Variants in DPP10 observed in about 807,000 individuals in gnomAD.
DPP10 encodes the protein dipeptidyl peptidase like 10, also known as inactive dipeptidyl peptidase 10.
In DPP10, 33 loss-of-function variants were observed where a neutral mutation model predicts 120.9. The observed-to-expected ratio is 0.27, with a 90% CI of 0.21 to 0.37. The LOEUF is 0.37. DPP10 is among the 10% of genes least tolerant of loss of function. The pLI is 1.00. For missense variants in DPP10, 816 were observed against 942.8 expected (o/e 0.87, Z 1.76); for synonymous variants, 337 against 326.1 (o/e 1.03, Z -0.36).
intron 3 of DPP10, among the ~76,000 whole-genome samples, chr2:115,373,369 A>C (rs2065554461): frequency 6.6e-6 from 1 of 152,182 alleles, no homozygotes; most frequent in Non-Finnish European, 1.5e-5. Context: ...GTCAAAGTTA[A>C]CATTTATCTA....
chr2:115,542,051 G>C (rs1171923675), intron 5 of DPP10, among the ~76,000 whole-genome samples: 1 of 151,850 alleles, frequency 6.6e-6, no homozygotes, highest in Non-Finnish European at 1.5e-5. Context: ...CAATTGACTA[G>C]CATAACATAA....
intron 4 of DPP10, among the ~76,000 whole-genome samples, chr2:115,520,476 C>A (rs1325257994): frequency 6.6e-6 from 1 of 151,260 alleles, no homozygotes; most frequent in Non-Finnish European, 1.5e-5. Flanking sequence ...CCCATCTATA[C>A]TTTCAGAATT....
intron 1 of DPP10, among the ~76,000 whole-genome samples, chr2:114,989,333 A>G (rs1222207741): frequency 1.3e-5 from 2 of 152,186 alleles, no homozygotes; most frequent in African/African-American, 2.4e-5. Context: ...AAAATTTTAT[A>G]CAGAAGATCA....
At chr2:115,378,084 G>A (rs538570050) in intron 3 of DPP10, among the ~76,000 whole-genome samples, 2,375 of 152,182 alleles carry the variant, frequency 0.016, 61 homozygotes, top group African/African-American at 0.054. Context: ...TTCCAATTCT[G>A]TGAAGAAAGT....
At chr2:115,568,859 A>G (rs1232555795) in intron 5 of DPP10, among the ~76,000 whole-genome samples, 1 of 152,222 alleles carries the variant, frequency 6.6e-6, no homozygotes, top group Non-Finnish European at 1.5e-5. Flanking sequence ...TTAACAGAAT[A>G]AATTGGCCAC....
Position 114,709,103 on chromosome 2 carries a change from C to T in DPP10, c.60+266265C>T, listed in dbSNP as rs576856970. On this transcript the variant is annotated intron_variant, in intron 1 of 25. Coordinates refer to ENST00000410059, the MANE Select transcript of DPP10 (RefSeq NM_020868.6). ...TCTACCTCTTATCACAAGAAGCTGG[C>T]CCTTCAAGCCAAGCCAATTCCCAGG... Among the ~76,000 whole-genome samples the T allele has an allele frequency of 7.9e-5, 12 of 152,264 alleles. No individual in the cohort carries two copies. In the South Asian group the frequency reaches 2.1e-3, roughly 26 times the overall value.
intron 1 of DPP10, among the ~76,000 whole-genome samples, chr2:114,586,533 C>T (rs537374894): frequency 3.3e-5 from 5 of 152,286 alleles, no homozygotes; most frequent in East Asian, 1.9e-4. Context: ...ATGTAAAAGG[C>T]TTACAGCAGA....
At chr2:115,173,214 A>G (rs768736880) in intron 1 of DPP10, among the ~76,000 whole-genome samples, 15 of 152,306 alleles carry the variant, frequency 9.8e-5, no homozygotes, top group Middle Eastern at 3.4e-3. Flanking sequence ...AGCGAATCCA[A>G]AAAAACTAAT....
intron 1 of DPP10, among the ~76,000 whole-genome samples, chr2:114,888,997 G>A (rs1003483065): frequency 1.3e-5 from 2 of 152,122 alleles, no homozygotes; most frequent in Non-Finnish European, 2.9e-5. Context: ...TAAAATGAAG[G>A]CATTAGAGTG....
At chr2:115,840,858 CTG>C (rs1690073496) in intron 25 of DPP10, 35 bp downstream of exon 25, 1 of 1,576,948 alleles carries the variant, frequency 6.3e-7, no homozygotes, top group Non-Finnish European at 8.7e-7. Context: ...TGTTTTCCTG[CTG>C]TGTTTTTTCA....
intron 1 of DPP10, among the ~76,000 whole-genome samples, chr2:115,191,911 C>A (rs1331645408): frequency 6.6e-6 from 1 of 152,164 alleles, no homozygotes; most frequent in African/African-American, 2.4e-5. Context: ...AGAAACTGAT[C>A]TTTTGTTTCA....
At chr2:114,664,577 C>T (rs559929846) in intron 1 of DPP10, among the ~76,000 whole-genome samples, 1 of 144,996 alleles carries the variant, frequency 6.9e-6, no homozygotes, top group Admixed American at 7.4e-5. Flanking sequence ...TGCAGTGAGC[C>T]GAGATTGTGG....
chr2:114,916,216 C>T (rs1694793357), intron 1 of DPP10, among the ~76,000 whole-genome samples: 1 of 152,054 alleles, frequency 6.6e-6, no homozygotes, highest in African/African-American at 2.4e-5. Flanking sequence ...ACATAAACTA[C>T]AAAACCTAGA....
chr2:114,660,830 TTATTTTATTTG>T (rs1188063174), intron 1 of DPP10, among the ~76,000 whole-genome samples: 1 of 152,174 alleles, frequency 6.6e-6, no homozygotes, highest in Non-Finnish European at 1.5e-5. Flanking sequence ...ATTATGAAGT[TTATTTTATTTG>T]TATTTTATTA....
At chr2:114,757,403 A>G (rs1316860752) in intron 1 of DPP10, among the ~76,000 whole-genome samples, 1 of 149,558 alleles carries the variant, frequency 6.7e-6, no homozygotes, top group Non-Finnish European at 1.5e-5. Context: ...AGGGAGAGAG[A>G]GAGAGGGAAG....
chr2:115,326,458 C>T (rs770678805), intron 2 of DPP10, among the ~76,000 whole-genome samples: 6 of 152,078 alleles, frequency 3.9e-5, no homozygotes, highest in Non-Finnish European at 7.4e-5. Flanking sequence ...ATTTAATATA[C>T]TACACTTTTA....
At chr2:115,499,753 T>C (rs1442621408) in intron 4 of DPP10, 149 bp downstream of exon 4, 3 of 503,682 alleles carry the variant, frequency 6.0e-6, no homozygotes, top group African/African-American at 2.0e-5. Flanking sequence ...AATCAGTAAA[T>C]CTATTGATAA....
At chr2:115,532,121 T>G (rs1377131261) in intron 5 of DPP10, among the ~76,000 whole-genome samples, 1 of 152,084 alleles carries the variant, frequency 6.6e-6, no homozygotes, top group Non-Finnish European at 1.5e-5. Flanking sequence ...TTACTCTGCT[T>G]CTTCTTTGAC....
intron 5 of DPP10, among the ~76,000 whole-genome samples, chr2:115,599,396 T>C (rs1400040062): frequency 6.6e-6 from 1 of 152,150 alleles, no homozygotes; most frequent in Non-Finnish European, 1.5e-5. Context: ...TTTGGTTTAG[T>C]GAAATTTATT....
Sources: allele counts gnomAD v4.1 joint callset (sites outside exome capture counted in the v4.1 genomes callset), GRCh38; gene constraint gnomAD v4.1.1; transcripts MANE v1.5; gene names NCBI Gene and HGNC (gene_info 2026-07-23, HGNC 2026-07-21).